Variants in CNTN3 observed in about 807,000 individuals in gnomAD.
The protein encoded by CNTN3 is contactin 3.
In CNTN3, 60 loss-of-function variants were observed where a neutral mutation model predicts 119.1. The ratio of observed to expected loss-of-function variants is 0.50; its 90% CI spans 0.41 to 0.62. The LOEUF (loss-of-function observed/expected upper bound fraction) is 0.62. Among genes scored for constraint, CNTN3 ranks in the 20% least tolerant of loss-of-function variants. CNTN3 has a pLI of 0.00. For missense variants in CNTN3, 1,101 were observed against 1,242.4 expected, an observed-to-expected ratio of 0.89 and a Z score of 1.71; for synonymous variants, 450 against 438.7, an observed-to-expected ratio of 1.03 and a Z score of -0.32.
intron 2 of CNTN3, among the ~76,000 whole-genome samples, chr3:74,504,996 G>A (rs1459105688): frequency 6.6e-6 from 1 of 152,064 alleles, no homozygotes; most frequent in African/African-American, 2.4e-5. Flanking sequence ...TGTGAGAGAA[G>A]GATCTGTTCC....
At chr3:74,557,909 C>A (rs1426550025) in intron 1 of CNTN3, among the ~76,000 whole-genome samples, 2 of 152,120 alleles carry the variant, frequency 1.3e-5, no homozygotes, top group African/African-American at 4.8e-5. Flanking sequence ...ACTGAAGAAG[C>A]TGTTTCCAAA....
At chr3:74,558,044 G>A (rs79218898) in intron 1 of CNTN3, among the ~76,000 whole-genome samples, 313 of 152,246 alleles carry the variant, frequency 2.1e-3, no homozygotes, top group African/African-American at 5.6e-3. Flanking sequence ...TCTCAGCTTA[G>A]TCTCTCCAGG....
chr3:74,291,311 T>C (rs953132108), intron 19 of CNTN3, among the ~76,000 whole-genome samples: 1 of 152,148 alleles, frequency 6.6e-6, no homozygotes, highest in African/African-American at 2.4e-5. Context: ...TGATGGACAT[T>C]TGGGTTGGTT....
At chr3:74,542,205 T>C (rs114062885) in intron 1 of CNTN3, among the ~76,000 whole-genome samples, 343 of 152,220 alleles carry the variant, frequency 2.3e-3, no homozygotes, top group African/African-American at 8.0e-3. Flanking sequence ...TGCACTCTAG[T>C]CTGGGTAATG....
chr3:74,325,749 T>A (rs1056196756), intron 13 of CNTN3, among the ~76,000 whole-genome samples: 11 of 152,156 alleles, frequency 7.2e-5, no homozygotes, highest in Admixed American at 7.2e-4. Flanking sequence ...ATGATGTAAC[T>A]GAGACAGAGA....
At chr3:74,320,975 G>T (rs965501452) in intron 13 of CNTN3, among the ~76,000 whole-genome samples, 2 of 151,768 alleles carry the variant, frequency 1.3e-5, no homozygotes, top group Non-Finnish European at 2.9e-5. Flanking sequence ...TGAAATCATG[G>T]CTTTTGCAGC....
chr3:74,425,525 G>C (rs977409908), intron 4 of CNTN3, among the ~76,000 whole-genome samples: 1 of 152,032 alleles, frequency 6.6e-6, no homozygotes, highest in Non-Finnish European at 1.5e-5. Context: ...GTCTAAAATG[G>C]CATGAACTAT....
At chr3:74,571,503 C>T (rs1352313669) in intron 1 of CNTN3, among the ~76,000 whole-genome samples, 1 of 152,128 alleles carries the variant, frequency 6.6e-6, no homozygotes, top group African/African-American at 2.4e-5. Context: ...GACTTCAGCT[C>T]CCTCATCTGT....
intron 13 of CNTN3, among the ~76,000 whole-genome samples, chr3:74,329,150 A>T (rs1703200994): frequency 6.6e-6 from 1 of 152,188 alleles, no homozygotes; most frequent in Non-Finnish European, 1.5e-5. Context: ...CACACAAAGG[A>T]TCAATTTCAA....
chr3:74,371,509 T>G, intron 5 of CNTN3, 110 bp from the exon 6 acceptor site: 1 of 740,564 alleles, frequency 1.4e-6, no homozygotes. Flanking sequence ...TAGTGCTGAG[T>G]GTTTTTGTTG....
At chr3:74,340,340 G>A (rs1051956998) in intron 11 of CNTN3, among the ~76,000 whole-genome samples, 10 of 152,092 alleles carry the variant, frequency 6.6e-5, no homozygotes, top group African/African-American at 2.4e-4. Context: ...CAGGATAAGA[G>A]AACTGAGAAT....
At chr3:74,540,860 A>G (rs1703833321) in intron 1 of CNTN3, among the ~76,000 whole-genome samples, 1 of 152,214 alleles carries the variant, frequency 6.6e-6, no homozygotes, top group Non-Finnish European at 1.5e-5. Flanking sequence ...TTATATGTGC[A>G]TATATACACA....
At chr3:74,543,231 T>A (rs138347547) in intron 1 of CNTN3, among the ~76,000 whole-genome samples, 2 of 152,042 alleles carry the variant, frequency 1.3e-5, no homozygotes, top group Non-Finnish European at 2.9e-5. Flanking sequence ...CAAGATAAAA[T>A]TGAATATAGG....
chr3:74,334,998 G>A, intron 12 of CNTN3, 88 bp from the exon 13 acceptor site: 1 of 911,184 alleles, frequency 1.1e-6, no homozygotes, highest in East Asian at 2.5e-5. Flanking sequence ...AACTTATACT[G>A]TGTATGTCTG....
chr3:74,407,037 T>A (rs2106861783), intron 5 of CNTN3, among the ~76,000 whole-genome samples: 1 of 152,226 alleles, frequency 6.6e-6, no homozygotes, highest in East Asian at 1.9e-4. Flanking sequence ...AAACCGAGGA[T>A]GTATAGAATA....
intron 5 of CNTN3, among the ~76,000 whole-genome samples, chr3:74,424,592 C>T (rs1411676699): frequency 1.3e-5 from 2 of 151,860 alleles, no homozygotes; most frequent in African/African-American, 2.4e-5. Context: ...TGTTTAGCAC[C>T]GTTAGGTGAC....
intron 20 of CNTN3, among the ~76,000 whole-genome samples, chr3:74,274,858 G>A (rs1701849831): frequency 1.3e-5 from 2 of 152,072 alleles, no homozygotes; most frequent in Admixed American, 1.3e-4. Flanking sequence ...AGCTAATCAA[G>A]GAGGCACCAG....
chr3:74,489,410 C>T (rs73114698), intron 3 of CNTN3, among the ~76,000 whole-genome samples: 19,986 of 150,428 alleles, frequency 0.13, 1,454 homozygotes, highest in East Asian at 0.24. Flanking sequence ...CCTCCCCTTC[C>T]CTTCCTCCCT....
chr3:74,585,423 C>G (rs1037246057), intron 1 of CNTN3, among the ~76,000 whole-genome samples: 2 of 152,134 alleles, frequency 1.3e-5, no homozygotes, highest in East Asian at 3.9e-4. Context: ...TGGCAAACTA[C>G]AGAATTAACC....
Sources: gnomAD v4.1 joint callset for allele counts (sites outside exome capture counted in the v4.1 genomes callset) on GRCh38, gnomAD v4.1.1 for gene constraint, MANE v1.5 for transcripts, NCBI Gene and HGNC (gene_info 2026-07-23, HGNC 2026-07-21) for gene names.